The following ANK3 variants were observed in gnomAD, a reference collection of about 807,000 sequenced individuals.
ANK3 encodes ankyrin 3, also known as ankyrin-3.
In ANK3, 57 loss-of-function variants were observed where a neutral mutation model predicts 370.9. That is an observed-to-expected ratio of 0.15 (90% CI 0.12 to 0.19). The LOEUF (loss-of-function observed/expected upper bound fraction) is 0.19, where lower values mean the gene tolerates loss of function less well. Among genes scored for constraint, ANK3 ranks in the 10% least tolerant of loss-of-function variants. The probability of loss-of-function intolerance (pLI) is 1.00; values close to 1 mark genes in which losing one functional copy is unlikely to be tolerated. For missense variants in ANK3, 4,439 were observed against 5,302.1 expected (o/e 0.84, Z 5.06); for synonymous variants, 1,929 against 1,946.3 (o/e 0.99, Z 0.23).
At chr10:60,502,747 GGAGA>G (rs373507106) in intron 2 of ANK3, among the ~76,000 whole-genome samples, 12 of 139,880 alleles carry the variant, frequency 8.6e-5, no homozygotes, top group Admixed American at 4.5e-4. Context: ...AGAGAGGGAG[GGAGA>G]GAGAGAGAGA....
intron 8 of ANK3, among the ~76,000 whole-genome samples, chr10:60,225,063 C>T (rs2097118224): frequency 6.6e-6 from 1 of 151,664 alleles, no homozygotes; most frequent in Admixed American, 6.6e-5. Flanking sequence ...ACAGGCATGC[C>T]CCACCATTTC....
At chr10:60,230,757 C>G (rs548612442) in intron 8 of ANK3, among the ~76,000 whole-genome samples, 1 of 151,844 alleles carries the variant, frequency 6.6e-6, no homozygotes, top group African/African-American at 2.4e-5. Flanking sequence ...GGCGTGGTGG[C>G]GGGCACCTGT....
At chr10:60,670,330 A>C (rs1337868191) in intron 1 of ANK3, among the ~76,000 whole-genome samples, 5 of 151,850 alleles carry the variant, frequency 3.3e-5, no homozygotes, top group Non-Finnish European at 7.4e-5. Flanking sequence ...ATCTCCATAA[A>C]TTGCACCACC....
At position 60,072,467 on chromosome 10, in the gene ANK3, C is replaced by T; in HGVS notation, c.8414G>A (p.Gly2805Asp). 1 of 1,613,994 alleles carries T rather than the reference C, an allele frequency of 6.2e-7. No homozygotes were observed. Among genetic ancestry groups the T allele is most frequent in the Non-Finnish European group, 8.5e-7 (1 of 1,180,002 alleles). Residue 2805 changes from glycine to aspartate, a missense_variant, in exon 37 of 44, where the codon GGC becomes GAC. By Grantham distance (94) the Gly-to-Asp change is moderately conservative. This residue lies in a region of ANK3 where 1,601 missense variants were observed against 1,731.7 expected (regional missense o/e 0.92). Coordinates refer to ENST00000280772, the MANE Select transcript of ANK3 (RefSeq NM_020987.5). ...TCTCTGTTTTTTCACATTATCAGAG[C>T]CAGAATCATTTACAACAATTTCGTT... is the stretch of plus-strand genomic sequence containing the variant. Reference protein sequence around the residue: ...QSNEIVVNDSGSDNVKKQRTE... With the variant: ...QSNEIVVNDSDSDNVKKQRTE...
chr10:60,703,188 GA>G (rs1232165576), intron 1 of ANK3, among the ~76,000 whole-genome samples: 1 of 152,124 alleles, frequency 6.6e-6, no homozygotes, highest in Non-Finnish European at 1.5e-5. Context: ...GAACTTAGTG[GA>G]TATTTGATAA....
chr10:60,665,827 A>G (rs2078988997), intron 1 of ANK3, among the ~76,000 whole-genome samples: 1 of 152,156 alleles, frequency 6.6e-6, no homozygotes, highest in Non-Finnish European at 1.5e-5. Flanking sequence ...TAAGTATTAT[A>G]TTTTTTAGTG....
intron 1 of ANK3, among the ~76,000 whole-genome samples, chr10:60,653,795 G>A (rs1197129892): frequency 2.0e-5 from 3 of 151,890 alleles, no homozygotes; most frequent in Admixed American, 2.0e-4. Context: ...TTGGGCCCAG[G>A]AGGCTGAGGC....
chr10:60,293,664 G>C (rs1287945230), intron 1 of ANK3, among the ~76,000 whole-genome samples: 1 of 152,136 alleles, frequency 6.6e-6, no homozygotes. Context: ...GGCTAAAAAT[G>C]ACCGACAACT....
At position 60,202,893 on chromosome 10, in the gene ANK3, C is replaced by A. The variant is rs6479699; in HGVS notation, c.1392+109G>T. The A allele has an allele frequency of 1.5e-4, 101 of 692,584 alleles. 1 individual carries two copies. In the East Asian group the frequency reaches 2.8e-3, roughly 19 times the overall value. 42.9% of individuals were successfully genotyped at this position (692,584 alleles called of 1,614,324 possible). ...CTGTATTCCAGTCTGGGAGACAGAG[C>A]GATACTCCAACTCTTAAAAAAATAA... On this transcript the variant is annotated intron_variant, in intron 12 of 43. Coordinates refer to ENST00000280772, the MANE Select transcript of ANK3 (RefSeq NM_020987.5).
chr10:60,704,266 A>C (rs563380784), intron 1 of ANK3, among the ~76,000 whole-genome samples: 1 of 152,366 alleles, frequency 6.6e-6, no homozygotes, highest in African/African-American at 2.4e-5. Flanking sequence ...GGTAATGTCA[A>C]GTACAGTGTT....
At chr10:60,658,300 T>A (rs1448114682) in intron 1 of ANK3, among the ~76,000 whole-genome samples, 1 of 152,086 alleles carries the variant, frequency 6.6e-6, no homozygotes, top group African/African-American at 2.4e-5. Context: ...AGTATCTTTT[T>A]AAAACTCAAT....
intron 1 of ANK3, among the ~76,000 whole-genome samples, chr10:60,659,534 G>C (rs947425089): frequency 6.6e-6 from 1 of 151,932 alleles, no homozygotes; most frequent in African/African-American, 2.4e-5. Flanking sequence ...GGAAGTAGTC[G>C]GCAGTTGTAC....
chr10:60,289,489 G>T (rs2040842441), intron 1 of ANK3, among the ~76,000 whole-genome samples: 1 of 151,732 alleles, frequency 6.6e-6, no homozygotes, highest in East Asian at 1.9e-4. Context: ...ATGGCTCGCT[G>T]TAGCCTCGAT....
chr10:60,706,035 G>C (rs2079612418), intron 1 of ANK3, among the ~76,000 whole-genome samples: 1 of 151,940 alleles, frequency 6.6e-6, no homozygotes, highest in Non-Finnish European at 1.5e-5. Flanking sequence ...TGTTGCCCAG[G>C]CTGGTCTTAA....
At chr10:60,229,774 A>G (rs2097212973) in intron 8 of ANK3, among the ~76,000 whole-genome samples, 1 of 152,250 alleles carries the variant, frequency 6.6e-6, no homozygotes, top group Non-Finnish European at 1.5e-5. Context: ...ATTAAGAAGT[A>G]TATCTTATTT....
At chr10:60,030,142 T>A (rs2073076511) in intron 43 of ANK3, among the ~76,000 whole-genome samples, 1 of 151,844 alleles carries the variant, frequency 6.6e-6, no homozygotes, top group Non-Finnish European at 1.5e-5. Context: ...ACCACCTGGT[T>A]CAACTTTTTT....
chr10:60,318,784 A>G (rs1476606861), intron 1 of ANK3, among the ~76,000 whole-genome samples: 1 of 152,204 alleles, frequency 6.6e-6, no homozygotes. Flanking sequence ...TCTTCATGTT[A>G]TGACACAAAA....
intron 43 of ANK3, among the ~76,000 whole-genome samples, chr10:60,039,614 G>T (rs1304782873): frequency 6.6e-6 from 1 of 152,086 alleles, no homozygotes; most frequent in Non-Finnish European, 1.5e-5. Context: ...TAAGATCTAT[G>T]TTCTAGATAA....
chr10:60,406,898 A>C (rs1015691448), intron 2 of ANK3, among the ~76,000 whole-genome samples: 2 of 152,098 alleles, frequency 1.3e-5, no homozygotes, highest in African/African-American at 4.8e-5. Flanking sequence ...TTTGCCACCA[A>C]ATCTTTCACC....
Sources: allele counts gnomAD v4.1 joint callset (sites outside exome capture counted in the v4.1 genomes callset), GRCh38; gene constraint gnomAD v4.1.1; regional missense constraint gnomAD v4.1.1; transcripts MANE v1.5; gene names NCBI Gene and HGNC (gene_info 2026-07-23, HGNC 2026-07-21).